DPYSL5: variants seen among roughly 807,000 people sequenced by gnomAD.
DPYSL5 encodes the protein dihydropyrimidinase like 5, also known as dihydropyrimidinase-related protein 5.
In DPYSL5, 9 loss-of-function variants were observed where a neutral mutation model predicts 58.4. That is an observed-to-expected ratio of 0.15 (90% CI 0.09 to 0.27). The LOEUF (loss-of-function observed/expected upper bound fraction) is 0.27, where lower values mean the gene tolerates loss of function less well. Ranked by LOEUF, DPYSL5 falls within the 10% of genes least tolerant of loss-of-function variation. The pLI, the probability that DPYSL5 is intolerant of heterozygous loss-of-function variation, is 1.00. For missense variants in DPYSL5, 499 were observed against 770.6 expected, an observed-to-expected ratio of 0.65 and a Z score of 4.17; for synonymous variants, 293 against 301.9, an observed-to-expected ratio of 0.97 and a Z score of 0.31.
At position 26,934,849 on chromosome 2, in the gene DPYSL5, T is replaced by C; in HGVS notation, c.947+115T>C. On this transcript the variant is annotated intron_variant, in intron 8 of 12. Coordinates refer to ENST00000288699, the MANE Select transcript of DPYSL5 (RefSeq NM_020134.4). This position sits in a 1 kb window ranked among gnomAD's most constrained non-coding sequence, Gnocchi z 4.3. Reference sequence around the variant, plus strand: ...GATTTCATTGTGCCCATAGGATCATTGTGCTTTTCTTACCTTCTCTGAGCC... The same window carrying C: ...GATTTCATTGTGCCCATAGGATCATCGTGCTTTTCTTACCTTCTCTGAGCC... 7.1e-7 allele frequency: 1 copy of C among 1,400,322 alleles called. No individual in the cohort carries two copies. Among genetic ancestry groups the C allele is most frequent in the Non-Finnish European group, 9.8e-7 (1 of 1,022,558 alleles). 86.7% of individuals were successfully genotyped at this position (1,400,322 alleles called of 1,614,324 possible). A position where few individuals can be genotyped will look rare whatever the true frequency, so the allele number is the denominator to read the frequency against.
At chr2:26,919,721 T>C (rs963337390) in intron 2 of DPYSL5, among the ~76,000 whole-genome samples, 7 of 152,330 alleles carry the variant, frequency 4.6e-5, no homozygotes, top group South Asian at 2.1e-4. Context: ...GGCTGTTCCA[T>C]GATCAGGTCT....
Position 26,898,400 on chromosome 2 carries a change from T to TA in DPYSL5, c.-4-95dup. On this transcript the variant is annotated intron_variant, in intron 1 of 12. Transcript: ENST00000288699. This position sits in a 1 kb window ranked among gnomAD's most constrained non-coding sequence, Gnocchi z 6.1. Reference sequence around the variant, plus strand: ...AAGTTCCTCCTCTTCTCTGCTCACTTACCCTGACCATGGAATTTGGGCTTT... The same window carrying TA: ...AAGTTCCTCCTCTTCTCTGCTCACTTAACCCTGACCATGGAATTTGGGCTTT... 6.5e-7 allele frequency: 1 copy of TA among 1,538,634 alleles called. No homozygotes were observed.
At position 26,944,902 on chromosome 2, in the gene DPYSL5, C is replaced by T; in HGVS notation, c.1609+78C>T. On this transcript the variant is annotated intron_variant, in intron 12 of 12. Transcript: ENST00000288699. This position sits in a 1 kb window ranked among gnomAD's most constrained non-coding sequence, Gnocchi z 4.4. ...ACCTAGGCAGTGGGACTTACGCCTG[C>T]TTTTCTTTTGTGTCCTCTCCTCCCT... 3 of 1,439,752 alleles carry T rather than the reference C, an allele frequency of 2.1e-6. No individual in the cohort carries two copies. The highest frequency in any genetic ancestry group is 1.9e-6 in the Non-Finnish European group (2 of 1,047,860). 89.2% of individuals were successfully genotyped at this position (1,439,752 alleles called of 1,614,324 possible). A position where few individuals can be genotyped will look rare whatever the true frequency, so the allele number is the denominator to read the frequency against.
At chr2:26,907,286 G>A (rs1269101303) in intron 2 of DPYSL5, among the ~76,000 whole-genome samples, 1 of 151,608 alleles carries the variant, frequency 6.6e-6, no homozygotes, top group Non-Finnish European at 1.5e-5. Context: ...AGCTAATTTT[G>A]TATTTTTAGT....
intron 9 of DPYSL5, among the ~76,000 whole-genome samples, chr2:26,940,602 AT>A (rs1290440766): frequency 6.6e-6 from 1 of 151,146 alleles, no homozygotes; most frequent in Non-Finnish European, 1.5e-5. Context: ...TGCTGCGATT[AT>A]AGGTGTGAGC....
intron 1 of DPYSL5, among the ~76,000 whole-genome samples, chr2:26,873,555 A>G (rs1424987055): frequency 1.3e-5 from 2 of 152,172 alleles, no homozygotes; most frequent in East Asian, 3.8e-4. Flanking sequence ...CAAAATATTA[A>G]CTGGCCAAAA....
In DPYSL5 at chr2:26,933,384, G is replaced by A; in HGVS notation, c.790+51G>A. On this transcript the variant is annotated intron_variant, in intron 7 of 12. Coordinates refer to ENST00000288699, the MANE Select transcript of DPYSL5 (RefSeq NM_020134.4). The surrounding 1 kb of genome is among the most constrained non-coding windows in gnomAD (Gnocchi z 4.2). ...GAGCAGGTCAAGTGGAGGGACTGGA[G>A]ATGGATGGGGCCCATTAGCCGTGCT... The A allele has an allele frequency of 6.4e-7, 1 of 1,551,616 alleles. No homozygotes were observed. Among genetic ancestry groups the A allele is most frequent in the Non-Finnish European group, 8.9e-7 (1 of 1,125,734 alleles).
chr2:26,945,187 G>A (rs985296920), intron 12 of DPYSL5, among the ~76,000 whole-genome samples: 1 of 151,748 alleles, frequency 6.6e-6, no homozygotes. Context: ...GGACTGCACC[G>A]ACCAGCCCTT....
rs1294526227 is a variant in DPYSL5, at chr2:26,925,040, C to T, written c.415C>T (p.Pro139Ser). 1.9e-6 allele frequency: 3 copies of T among 1,613,836 alleles called. No homozygotes were observed. The highest frequency in any genetic ancestry group is 1.7e-6 in the Non-Finnish European group (2 of 1,179,862). The change falls in exon 3 of 13, where the codon CCC becomes TCC. Residue 139 changes from proline to serine, a missense_variant. This residue lies in a region of DPYSL5 where 404 missense variants were observed against 647.6 expected (regional missense o/e 0.62). Coordinates refer to ENST00000288699, the MANE Select transcript of DPYSL5 (RefSeq NM_020134.4). This position sits in a 1 kb window ranked among gnomAD's most constrained non-coding sequence, Gnocchi z 4.5. ...ALHVGITWWA[P>S]KVKAEMETLV... ...CCACGTGGGGATCACCTGGTGGGCA[C>T]CCAAGGTAACAGTGCTGGTGGGATC...
Position 26,942,145 on chromosome 2 carries a change from G to A in DPYSL5, c.1232+53G>A, listed in dbSNP as rs1410325540. 5.0e-6 allele frequency: 8 copies of A among 1,606,790 alleles called. No individual in the cohort carries two copies. The highest frequency in any genetic ancestry group is 6.8e-6 in the Non-Finnish European group (8 of 1,176,448). ...TAGAGGGGCTTGGGATTTTGAAGAA[G>A]ACTTGCATTACAGATCTCCAAAAGC... On this transcript the variant is annotated intron_variant, in intron 10 of 12. Coordinates refer to ENST00000288699, the MANE Select transcript of DPYSL5 (RefSeq NM_020134.4). The surrounding 1 kb of genome is among the most constrained non-coding windows in gnomAD (Gnocchi z 5.9).
intron 2 of DPYSL5, among the ~76,000 whole-genome samples, chr2:26,902,267 C>T (rs1664178132): frequency 6.6e-6 from 1 of 151,848 alleles, no homozygotes; most frequent in African/African-American, 2.4e-5. Context: ...TATTATTATT[C>T]TGCTTAAGTA....
chr2:26,851,221 AT>A (rs1665742140), intron 1 of DPYSL5, among the ~76,000 whole-genome samples: 1 of 123,942 alleles, frequency 8.1e-6, no homozygotes, highest in South Asian at 2.3e-4. Flanking sequence ...TTTTGTAATA[AT>A]TTTATGGATT....
Position 26,886,915 on chromosome 2 carries a change from A to G in DPYSL5, c.-4-11581A>G, listed in dbSNP as rs550547643. 4.6e-5 allele frequency among the ~76,000 whole-genome samples: 7 copies of G among 152,218 alleles called. No individual in the cohort carries two copies. In the South Asian group the frequency reaches 1.0e-3, roughly 23 times the overall value. ...AGAAGAAAAATAGCCATAGGTTTCCATTTTCCTTTCCACACAACTGTCGTG... is the reference window on the plus strand; with the variant it reads ...AGAAGAAAAATAGCCATAGGTTTCCGTTTTCCTTTCCACACAACTGTCGTG... On this transcript the variant is annotated intron_variant, in intron 1 of 12. Coordinates refer to ENST00000288699, the MANE Select transcript of DPYSL5 (RefSeq NM_020134.4).
chr2:26,936,952 A>AAAAAAAAAAAAAT (rs1665196073), intron 8 of DPYSL5, among the ~76,000 whole-genome samples: 1 of 150,094 alleles, frequency 6.7e-6, no homozygotes, highest in Non-Finnish European at 1.5e-5. Context: ...ATTTAAAAAA[A>AAAAAAAAAAAAAT]AAAAAAAAAG....
intron 12 of DPYSL5, among the ~76,000 whole-genome samples, chr2:26,945,562 C>T (rs995247447): frequency 1.4e-5 from 2 of 147,868 alleles, no homozygotes; most frequent in Non-Finnish European, 3.0e-5. Context: ...AATGATGATC[C>T]TCAGTGGAGA....
chr2:26,908,895 C>A (rs1664364524), intron 2 of DPYSL5, among the ~76,000 whole-genome samples: 1 of 152,122 alleles, frequency 6.6e-6, no homozygotes, highest in Non-Finnish European at 1.5e-5. Context: ...CTCCCTTCTT[C>A]CTCTTTTTCT....
chr2:26,946,886 C>T, intron 12 of DPYSL5, 24 bp from the exon 13 acceptor site: 1 of 1,605,446 alleles, frequency 6.2e-7, no homozygotes, highest in African/African-American at 1.3e-5. Flanking sequence ...GCCCGTCTCA[C>T]CCTCTGTGCT....
chr2:26,850,701 T>G lies in DPYSL5; in HGVS notation c.-5+2447T>G, dbSNP rs1665729357. ...TCAGGATTTGCTTTCTTAACAAGAT[T>G]AGTGTGTAAGGTGAAGGACTGTGCT... On this transcript the variant is annotated intron_variant, in intron 1 of 12. Transcript: ENST00000288699. 2.0e-5 allele frequency among the ~76,000 whole-genome samples: 3 copies of G among 152,144 alleles called. No homozygotes were observed. In the South Asian group the frequency reaches 6.2e-4, roughly 32 times the overall value.
intron 1 of DPYSL5, among the ~76,000 whole-genome samples, chr2:26,890,247 C>T (rs961315797): frequency 1.3e-5 from 2 of 152,206 alleles, no homozygotes; most frequent in South Asian, 2.1e-4. Context: ...CTCTCTTGCT[C>T]CGCAGACTGA....
Sources: allele counts gnomAD v4.1 joint callset (sites outside exome capture counted in the v4.1 genomes callset), GRCh38; gene constraint gnomAD v4.1.1; regional missense constraint gnomAD v4.1.1; non-coding constraint Gnocchi (gnomAD v3.1); transcripts MANE v1.5; gene names NCBI Gene and HGNC (gene_info 2026-07-23, HGNC 2026-07-21).